Variants in PITPNC1 observed in about 807,000 individuals in gnomAD.
PITPNC1 encodes the protein cytoplasmic phosphatidylinositol transfer protein 1.
PITPNC1 carries 18 observed loss-of-function variants against 44.7 expected under a neutral mutation model. The ratio of observed to expected loss-of-function variants is 0.40; its 90% confidence interval spans 0.28 to 0.60. The LOEUF (loss-of-function observed/expected upper bound fraction) is 0.60. PITPNC1 is among the 20% of genes least tolerant of loss of function. The pLI, the probability that PITPNC1 is intolerant of heterozygous loss-of-function variation, is 0.39. For synonymous variants in PITPNC1, 141 were observed against 149.6 expected (o/e 0.94, Z 0.42); for missense variants, 290 against 418.4 (o/e 0.69, Z 2.68).
chr17:67,530,771 G>A (rs2040450728), intron 1 of PITPNC1, among the ~76,000 whole-genome samples: 1 of 152,152 alleles, frequency 6.6e-6, no homozygotes, highest in Admixed American at 6.5e-5. Flanking sequence ...GGTAGTGTGT[G>A]CCCATCTGTA....
rs2039323232 is a variant in PITPNC1, at chr17:67,460,714, CCTTTCTTTTTTCTTTTTCTTT to C, written c.49-72076_49-72056del. 2.7e-5 allele frequency among the ~76,000 whole-genome samples: 4 copies of C among 150,874 alleles called. No individual in the cohort carries two copies. In the East Asian group the frequency reaches 5.9e-4, roughly 22 times the overall value. On this transcript the variant is annotated intron_variant, in intron 1 of 8. Transcript: ENST00000581322. Reference sequence around the variant, plus strand: ...ACAGGCATGAGCCACCGTGCCCGGCCCTTTCTTTTTTCTTTTTCTTTCTTTCTTTTTTTTTTTTTTTTTTTT... The same window carrying C: ...ACAGGCATGAGCCACCGTGCCCGGCCCTTTCTTTTTTTTTTTTTTTTTTTT...
At chr17:67,497,765 C>A (rs1351535452) in intron 1 of PITPNC1, among the ~76,000 whole-genome samples, 1 of 150,934 alleles carries the variant, frequency 6.6e-6, no homozygotes, top group Admixed American at 6.6e-5. Context: ...TGCACTCAAG[C>A]AGTCTGCCTG....
chr17:67,421,886 C>G (rs1053470010), intron 1 of PITPNC1, among the ~76,000 whole-genome samples: 1 of 152,208 alleles, frequency 6.6e-6, no homozygotes, highest in Non-Finnish European at 1.5e-5. Flanking sequence ...ATGGGACTCA[C>G]CCTCTAACAC....
rs1358854585 is a variant in PITPNC1 at position 67,473,749 on chromosome 17, A to G, written c.49-59053A>G. ...GCATGCCACCTCACCTGGCTAATAA[A>G]TGTTTTTGGAGGGATGTGTTGAGCC... On this transcript the variant is annotated intron_variant, in intron 1 of 8. Coordinates refer to ENST00000581322, the MANE Select transcript of PITPNC1 (RefSeq NM_012417.4). Among the ~76,000 whole-genome samples, 4 of 152,178 alleles carry G rather than the reference A, an allele frequency of 2.6e-5. No homozygotes were observed. In the East Asian group the frequency reaches 7.7e-4, roughly 29 times the overall value.
At position 67,502,744 on chromosome 17, in the gene PITPNC1, C is replaced by CATTGCATTGCATTGTATTGTATTGT. The variant is rs1313719754; in HGVS notation, c.49-30054_49-30053insCATTGCATTGTATTGTATTGTATTG. On this transcript the variant is annotated intron_variant, in intron 1 of 8. Transcript: ENST00000581322. ...GAAGTAAGATTATTGCATTGCATTG[C>CATTGCATTGCATTGTATTGTATTGT]ATTGTATTGTATTGTATTGTATTGT... Among the ~76,000 whole-genome samples, 101 of 137,912 alleles carry CATTGCATTGCATTGTATTGTATTGT rather than the reference C, an allele frequency of 7.3e-4. 1 individual carries two copies. The highest frequency in any genetic ancestry group is 2.8e-3 in the African/African-American group (97 of 34,656). 90.5% of individuals were successfully genotyped at this position (137,912 alleles called of 152,430 possible).
intron 1 of PITPNC1, among the ~76,000 whole-genome samples, chr17:67,499,151 G>A (rs951768618): frequency 6.6e-6 from 1 of 152,058 alleles, no homozygotes; most frequent in African/African-American, 2.4e-5. Context: ...TGGGATTATG[G>A]GCATGAGCCA....
At chr17:67,407,507 A>T (rs2038417671) in intron 1 of PITPNC1, among the ~76,000 whole-genome samples, 1 of 152,190 alleles carries the variant, frequency 6.6e-6, no homozygotes, top group African/African-American at 2.4e-5. Context: ...TTTTAAATTT[A>T]AAAATCTAAA....
intron 5 of PITPNC1, chr17:67,611,743 T>C (rs1273801492): frequency 6.6e-6 from 1 of 152,280 alleles, no homozygotes; most frequent in Non-Finnish European, 1.5e-5. Context: ...TCCAAAGTGC[T>C]GGGATTACAG....
intron 4 of PITPNC1, among the ~76,000 whole-genome samples, chr17:67,558,527 T>C (rs999747686): frequency 3.3e-5 from 5 of 152,078 alleles, no homozygotes; most frequent in African/African-American, 1.2e-4. Context: ...AATTCAGCCT[T>C]GGTACTAATG....
intron 4 of PITPNC1, among the ~76,000 whole-genome samples, chr17:67,577,257 C>G (rs370281240): frequency 2.7e-4 from 41 of 152,184 alleles, no homozygotes; most frequent in African/African-American, 9.6e-4. Context: ...CACCACTGCA[C>G]CCCAGCCTGG....
chr17:67,637,484 T>C (rs12950464), intron 6 of PITPNC1, among the ~76,000 whole-genome samples: 79,246 of 151,966 alleles, frequency 0.52, 22,941 homozygotes, highest in Non-Finnish European at 0.65. Flanking sequence ...TCCTCTCCAC[T>C]CAGCTACTGT....
chr17:67,394,524 AT>A (rs2038186471), intron 1 of PITPNC1, among the ~76,000 whole-genome samples: 1 of 152,218 alleles, frequency 6.6e-6, no homozygotes, highest in Admixed American at 6.5e-5. Flanking sequence ...GTACTATAAA[AT>A]CTAATAAAGC....
At chr17:67,643,982 G>T (rs1017811965) in intron 6 of PITPNC1, among the ~76,000 whole-genome samples, 1 of 152,140 alleles carries the variant, frequency 6.6e-6, no homozygotes, top group African/African-American at 2.4e-5. Context: ...AGGAGCAGAG[G>T]TGTGATACCA....
chr17:67,640,236 A>C (rs893252468), intron 6 of PITPNC1, among the ~76,000 whole-genome samples: 88 of 152,122 alleles, frequency 5.8e-4, no homozygotes, highest in African/African-American at 1.8e-3. Flanking sequence ...CCTGCTGCCA[A>C]AGGGGTCCCT....
intron 5 of PITPNC1, among the ~76,000 whole-genome samples, chr17:67,621,279 G>T (rs2041826946): frequency 6.6e-6 from 1 of 150,810 alleles, no homozygotes; most frequent in East Asian, 1.9e-4. Flanking sequence ...GCGATCTCAG[G>T]TCACTGTAAC....
intron 8 of PITPNC1, among the ~76,000 whole-genome samples, chr17:67,684,436 T>G (rs1390571224): frequency 6.8e-6 from 1 of 147,420 alleles, no homozygotes; most frequent in Non-Finnish European, 1.5e-5. Context: ...TCTTAAATAA[T>G]GTTTTTTTTT....
intron 1 of PITPNC1, among the ~76,000 whole-genome samples, chr17:67,492,141 T>TC (rs1410320802): frequency 1.3e-5 from 2 of 152,016 alleles, no homozygotes; most frequent in Non-Finnish European, 2.9e-5. Flanking sequence ...CATGCATGCA[T>TC]CCCTGGGTAA....
chr17:67,495,202 G>A (rs557530385), intron 1 of PITPNC1, among the ~76,000 whole-genome samples: 1 of 151,214 alleles, frequency 6.6e-6, no homozygotes, highest in Non-Finnish European at 1.5e-5. Context: ...GGCTACAGGC[G>A]CTCGCCACCA....
intron 1 of PITPNC1, among the ~76,000 whole-genome samples, chr17:67,437,804 G>A (rs1218492967): frequency 1.3e-5 from 2 of 152,094 alleles, no homozygotes; most frequent in South Asian, 2.1e-4. Flanking sequence ...GCGGAGGCTC[G>A]GGCCTGTAAT....
Sources: allele counts gnomAD v4.1 joint callset (sites outside exome capture counted in the v4.1 genomes callset), GRCh38; gene constraint gnomAD v4.1.1; transcripts MANE v1.5; gene names NCBI Gene and HGNC (gene_info 2026-07-23, HGNC 2026-07-21).